Variants in WTIP observed in about 807,000 individuals in gnomAD.
WTIP encodes Wilms tumor protein 1-interacting protein.
Under a neutral mutation model 41.7 loss-of-function variants are expected in WTIP, and 23 were observed. The observed-to-expected ratio is 0.55, with a 90% confidence interval of 0.40 to 0.78. WTIP has a LOEUF of 0.78. WTIP is among the 30% of genes least tolerant of loss of function. WTIP has a pLI of 0.00. For synonymous variants in WTIP, 314 were observed against 269.9 expected (o/e 1.16, Z -1.60); for missense variants, 619 against 610.5 (o/e 1.01, Z -0.15).
rs1350561298 is a variant in WTIP at position 34,482,337 on chromosome 19, G to C, written c.363G>C (p.Pro121=). ...SLGYDQRHGS[P]RSGRSDPRPG... ...GCTACGACCAGCGCCACGGCAGCCC[G>C]CGCTCCGGTCGCTCGGACCCGCGTC... The change falls in exon 1 of 8, where the codon CCG becomes CCC. Residue 121 remains proline, a synonymous_variant. Coordinates refer to ENST00000590071, the MANE Select transcript of WTIP (RefSeq NM_001080436.2). The C allele has an allele frequency of 2.9e-6, 4 of 1,384,916 alleles. No homozygotes were observed. The highest frequency in any genetic ancestry group is 3.8e-6 in the Non-Finnish European group (4 of 1,063,704). The allele number at this position is 1,384,916 out of a possible 1,614,324, so 85.8% of individuals were successfully genotyped here. A position where few individuals can be genotyped will look rare whatever the true frequency, so the allele number is the denominator to read the frequency against.
rs1303986700 is a variant in WTIP at position 34,507,776 on chromosome 19, T to C, written c.*7507T>C. On this transcript the variant is annotated 3_prime_UTR_variant, in exon 8 of 8. Transcript: ENST00000590071. ...TGATGGGAGAAGCTGTTGGGTTATT[T>C]CACAGAGGAAGCCCGAGCTCCCTGC... is the stretch of plus-strand genomic sequence containing the variant. 2 of 152,310 alleles carry C rather than the reference T, an allele frequency of 1.3e-5. No individual in the cohort carries two copies. The highest frequency in any genetic ancestry group is 2.9e-5 in the Non-Finnish European group (2 of 68,122). The allele number at this position is 152,310 out of a possible 1,614,324, so 9.4% of individuals were successfully genotyped here. A position where few individuals can be genotyped will look rare whatever the true frequency, so the allele number is the denominator to read the frequency against.
chr19:34,492,990 C>T (rs1388338943), intron 2 of WTIP, 47 bp from the exon 3 acceptor site: 1 of 1,602,764 alleles, frequency 6.2e-7, no homozygotes, highest in East Asian at 2.2e-5. Context: ...GGCTCCATCC[C>T]TGGTCCCCAG....
intron 7 of WTIP, among the ~76,000 whole-genome samples, chr19:34,497,940 A>G (rs957932810): frequency 6.6e-6 from 1 of 152,142 alleles, no homozygotes; most frequent in Non-Finnish European, 1.5e-5. Context: ...TGAGAGTGAG[A>G]GCGGGGCAGG....
rs763372621 is a variant in WTIP at position 34,509,585 on chromosome 19, C to T, written c.*9316C>T. Reference sequence around the variant, plus strand: ...TTCTGCCCCTGGCCCCTTCAAATCTCATGTCCTCACATTTCAAAACCAATC... The same window carrying T: ...TTCTGCCCCTGGCCCCTTCAAATCTTATGTCCTCACATTTCAAAACCAATC... On this transcript the variant is annotated 3_prime_UTR_variant, in exon 8 of 8. Coordinates refer to ENST00000590071, the MANE Select transcript of WTIP (RefSeq NM_001080436.2). The T allele has an allele frequency of 6.6e-6, 1 of 152,304 alleles. No homozygotes were observed. The highest frequency in any genetic ancestry group is 2.1e-4 in the South Asian group (1 of 4,824). The allele number at this position is 152,304 out of a possible 1,614,324, so 9.4% of individuals were successfully genotyped here.
intron 1 of WTIP, 65 bp downstream of exon 1, chr19:34,482,706 TC>T: frequency 8.2e-7 from 1 of 1,213,622 alleles, no homozygotes; most frequent in Non-Finnish European, 1.0e-6. Context: ...CGAGACTGCC[TC>T]GGGTAGGCGG....
Position 34,493,236 on chromosome 19 carries a change from T to C in WTIP, c.838-27T>C, listed in dbSNP as rs1253841473. The C allele has an allele frequency of 6.2e-6, 10 of 1,613,556 alleles. No homozygotes were observed. The highest frequency in any genetic ancestry group is 1.6e-4 in the Middle Eastern group (1 of 6,062). On this transcript the variant is annotated intron_variant, in intron 3 of 7. Coordinates refer to ENST00000590071, the MANE Select transcript of WTIP (RefSeq NM_001080436.2). This position sits in a 1 kb window ranked among gnomAD's most constrained non-coding sequence, Gnocchi z 4.1. ...CCGCGAGTGCCCCTTTGTCACACAATGTCCTGGATCCTGTGTCCCCTCCCA... is the reference window on the plus strand; with the variant it reads ...CCGCGAGTGCCCCTTTGTCACACAACGTCCTGGATCCTGTGTCCCCTCCCA...
chr19:34,482,460 C>T lies in WTIP; in HGVS notation c.486C>T (p.Pro162=). 7.8e-7 allele frequency: 1 copy of T among 1,281,890 alleles called. No individual in the cohort carries two copies. The highest frequency in any genetic ancestry group is 9.8e-7 in the Non-Finnish European group (1 of 1,016,650). 79.4% of individuals were successfully genotyped at this position (1,281,890 alleles called of 1,614,324 possible). A position where few individuals can be genotyped will look rare whatever the true frequency, so the allele number is the denominator to read the frequency against. ...SAGAYADFLP[P]GACPAPARSP... The stretch of plus-strand genomic sequence containing the variant: ...GCGCCTACGCTGACTTCCTCCCGCC[C>T]GGCGCCTGCCCCGCGCCCGCTCGCT... Residue 162 remains proline (P), a synonymous_variant, in exon 1 of 8, where the codon CCC becomes CCT. Transcript: ENST00000590071.
In WTIP at chr19:34,505,704, C is replaced by G. The variant is rs1419889369; in HGVS notation, c.*5435C>G. On this transcript the variant is annotated 3_prime_UTR_variant, in exon 8 of 8. Coordinates refer to ENST00000590071, the MANE Select transcript of WTIP (RefSeq NM_001080436.2). ...TGCCTGAAGTTCCTGCCATTGGGAC[C>G]TGTCACAGGCACACAGGACACAGCT... 1 of 152,598 alleles carries G rather than the reference C, an allele frequency of 6.6e-6. No homozygotes were observed. Among genetic ancestry groups the G allele is most frequent in the African/African-American group, 2.4e-5 (1 of 41,468 alleles). 9.5% of individuals were successfully genotyped at this position (152,598 alleles called of 1,614,324 possible). A position where few individuals can be genotyped will look rare whatever the true frequency, so the allele number is the denominator to read the frequency against.
chr19:34,493,770 A>G lies in WTIP; in HGVS notation c.1031+148A>G, dbSNP rs1003837955. ...TTGTACACCTGGGCTTGGGGCAGGC[A>G]TGTGTCTCTGCCTGCATCCCCTCTC... On this transcript the variant is annotated intron_variant, in intron 5 of 7. Transcript: ENST00000590071. This position sits in a 1 kb window ranked among gnomAD's most constrained non-coding sequence, Gnocchi z 4.1. 4.4e-6 allele frequency: 5 copies of G among 1,133,832 alleles called. No homozygotes were observed. Among genetic ancestry groups the G allele is most frequent in the Admixed American group, 2.1e-5 (1 of 48,496 alleles). 70.2% of individuals were successfully genotyped at this position (1,133,832 alleles called of 1,614,324 possible).
chr19:34,499,804 AT>A (rs1399864998), intron 7 of WTIP, among the ~76,000 whole-genome samples: 1 of 150,692 alleles, frequency 6.6e-6, no homozygotes, highest in Non-Finnish European at 1.5e-5. Flanking sequence ...GGTTTAAGTG[AT>A]TCTCCAGTCT....
intron 1 of WTIP, among the ~76,000 whole-genome samples, chr19:34,489,713 CAGG>C (rs2075815863): frequency 6.6e-6 from 1 of 152,176 alleles, no homozygotes; most frequent in African/African-American, 2.4e-5. Flanking sequence ...GAAGCCCAGG[CAGG>C]AGGATTGTTT....
Position 34,493,005 on chromosome 19 carries a change from C to T in WTIP, c.770-32C>T, listed in dbSNP as rs1479116545. The T allele has an allele frequency of 1.2e-6, 2 of 1,613,096 alleles. No homozygotes were observed. The highest frequency in any genetic ancestry group is 8.5e-7 in the Non-Finnish European group (1 of 1,179,324). Reference sequence around the variant, plus strand: ...GGCTCCATCCCTGGTCCCCAGCGTTCCAGGGACCCCTCTCAACCCTCACCC... The same window carrying T: ...GGCTCCATCCCTGGTCCCCAGCGTTTCAGGGACCCCTCTCAACCCTCACCC... On this transcript the variant is annotated intron_variant, in intron 2 of 7. Transcript: ENST00000590071. The surrounding 1 kb of genome is among the most constrained non-coding windows in gnomAD (Gnocchi z 4.1).
chr19:34,487,985 G>A (rs1461540447), intron 1 of WTIP, among the ~76,000 whole-genome samples: 1 of 152,164 alleles, frequency 6.6e-6, no homozygotes, highest in Admixed American at 6.5e-5. Flanking sequence ...CACCTTCCCC[G>A]CTGCATGCTG....
chr19:34,495,861 C>A (rs2075850330), intron 7 of WTIP, 90 bp downstream of exon 7: 1 of 1,411,208 alleles, frequency 7.1e-7, no homozygotes. Flanking sequence ...CTTACCTTAT[C>A]AAAATTTTAG....
intron 1 of WTIP, among the ~76,000 whole-genome samples, chr19:34,483,522 G>C (rs1367193100): frequency 6.6e-6 from 1 of 152,220 alleles, no homozygotes; most frequent in Admixed American, 6.5e-5. Context: ...GAGGGAGACT[G>C]TGTGAGGGAA....
rs551340892 is a variant in WTIP at position 34,494,436 on chromosome 19, G to C, written c.1032-150G>C. ...GCCAGTACAGGAAGGCATGGCAGAA[G>C]CTGTTCCCTGTCTGCCCCGAGGTGT... On this transcript the variant is annotated intron_variant, in intron 5 of 7. Coordinates refer to ENST00000590071, the MANE Select transcript of WTIP (RefSeq NM_001080436.2). 1.1e-3 allele frequency: 793 copies of C among 713,454 alleles called. 4 individuals carry two copies. Among genetic ancestry groups the C allele is most frequent in the Non-Finnish European group, 1.6e-3 (665 of 410,266 alleles). 44.2% of individuals were successfully genotyped at this position (713,454 alleles called of 1,614,324 possible).
At chr19:34,485,219 A>G in intron 1 of WTIP, among the ~76,000 whole-genome samples, 1 of 152,074 alleles carries the variant, frequency 6.6e-6, no homozygotes, top group East Asian at 1.9e-4. Context: ...AGTAGCTGGG[A>G]TTACAGGTGC....
Position 34,482,303 on chromosome 19 carries a change from TC to T in WTIP, c.330del (p.Ser111AlafsTer190). On this transcript the variant is annotated frameshift_variant, in exon 1 of 8. Transcript: ENST00000590071. LOFTEE classifies it high-confidence loss of function. ...GGCGGCAGCGCCCGATCCAGCGGCA[TC>T]AGCCTGGGCTACGACCAGCGCCACG... ...GGGGSARSSG[I>X]SLGYDQRHGS... is the part of the protein sequence containing the mutation. The T allele has an allele frequency of 7.3e-7, 1 of 1,366,850 alleles. No homozygotes were observed. Among genetic ancestry groups the T allele is most frequent in the South Asian group, 1.5e-5 (1 of 68,862 alleles). The allele number at this position is 1,366,850 out of a possible 1,614,324, so 84.7% of individuals were successfully genotyped here.
chr19:34,484,202 G>A lies in WTIP; in HGVS notation c.667+1561G>A, dbSNP rs528775587. 2.6e-5 allele frequency among the ~76,000 whole-genome samples: 4 copies of A among 152,300 alleles called. No individual in the cohort carries two copies. The East Asian group carries it at 5.8e-4, about 22-fold the overall frequency. ...AGCCTCCCAAAATGTTGGGATTACA[G>A]GCGTGAGCCACCGTGCCCGGCCCTG... is the stretch of plus-strand genomic sequence containing the variant. On this transcript the variant is annotated intron_variant, in intron 1 of 7. Coordinates refer to ENST00000590071, the MANE Select transcript of WTIP (RefSeq NM_001080436.2).
Sources: allele counts gnomAD v4.1 joint callset (sites outside exome capture counted in the v4.1 genomes callset), GRCh38; gene constraint gnomAD v4.1.1; non-coding constraint Gnocchi (gnomAD v3.1); transcripts MANE v1.5; gene names NCBI Gene and HGNC (gene_info 2026-07-23, HGNC 2026-07-21).